CDK19: variants seen among roughly 807,000 people sequenced by gnomAD.
CDK19 encodes the protein cyclin-dependent kinase 19.
A neutral mutation model predicts 68.3 loss-of-function variants in CDK19; 20 were observed. That is an observed-to-expected ratio of 0.29 (90% CI 0.21 to 0.43). CDK19 has a LOEUF of 0.43. Ranked by LOEUF, CDK19 falls within the 20% of genes least tolerant of loss-of-function variation. The pLI, the probability that CDK19 is intolerant of heterozygous loss-of-function variation, is 1.00. For synonymous variants in CDK19, 221 were observed against 222.8 expected, an observed-to-expected ratio of 0.99 and a Z score of 0.07; for missense variants, 339 against 623.5, an observed-to-expected ratio of 0.54 and a Z score of 4.86.
At chr6:110,759,416 A>ATATATATATATATATATAT in intron 1 of CDK19, among the ~76,000 whole-genome samples, 1 of 113,562 alleles carries the variant, frequency 8.8e-6, no homozygotes, top group African/African-American at 4.0e-5. Context: ...AAAAAAAAAA[A>ATATATATATATATATATAT]AAAAAAAAAA....
intron 1 of CDK19, among the ~76,000 whole-genome samples, chr6:110,797,984 CAAAAAAAA>C (rs56710819): frequency 0.013 from 1,094 of 87,276 alleles, 25 homozygotes; most frequent in African/African-American, 0.045. Flanking sequence ...GACTCCGTCT[CAAAAAAAA>C]AAAAAAAAAA....
intron 12 of CDK19, 87 bp from the exon 13 acceptor site, chr6:110,614,753 C>T: frequency 7.3e-7 from 1 of 1,363,176 alleles, no homozygotes; most frequent in Admixed American, 1.8e-5. Flanking sequence ...GAGATATAAG[C>T]CGTTTTCATT....
intron 4 of CDK19, chr6:110,646,438 C>A: frequency 6.7e-7 from 1 of 1,500,992 alleles, no homozygotes; most frequent in Non-Finnish European, 8.9e-7. Context: ...GCCGCAGCTA[C>A]CCCATGCACC....
At chr6:110,783,328 T>C (rs2115039145) in intron 1 of CDK19, among the ~76,000 whole-genome samples, 2 of 152,078 alleles carry the variant, frequency 1.3e-5, no homozygotes, top group Non-Finnish European at 2.9e-5. Context: ...CACAACAAAG[T>C]TAAATTTGAA....
intron 1 of CDK19, among the ~76,000 whole-genome samples, chr6:110,776,207 T>C (rs1257624528): frequency 2.6e-5 from 4 of 152,034 alleles, no homozygotes; most frequent in Admixed American, 1.3e-4. Flanking sequence ...GGCAGGTGGA[T>C]CACCTGAGGT....
At chr6:110,707,997 G>A (rs1774652435) in intron 2 of CDK19, among the ~76,000 whole-genome samples, 1 of 151,970 alleles carries the variant, frequency 6.6e-6, no homozygotes, top group Non-Finnish European at 1.5e-5. Flanking sequence ...GTATGTTTAT[G>A]TTACTCTAAT....
intron 6 of CDK19, among the ~76,000 whole-genome samples, chr6:110,628,081 C>T (rs1779202571): frequency 6.6e-6 from 1 of 152,030 alleles, no homozygotes; most frequent in Non-Finnish European, 1.5e-5. Flanking sequence ...TGTGGTGGCA[C>T]ACGCCTGTAG....
At chr6:110,718,163 T>C (rs183567596) in intron 2 of CDK19, among the ~76,000 whole-genome samples, 5 of 152,214 alleles carry the variant, frequency 3.3e-5, no homozygotes, top group Admixed American at 3.3e-4. Flanking sequence ...CCAAAGTGTT[T>C]TGTTGGAGCA....
In CDK19 at chr6:110,801,868, C is replaced by T. The variant is rs117392708; in HGVS notation, c.128+13141G>A. On this transcript the variant is annotated intron_variant, in intron 1 of 12. Coordinates refer to ENST00000368911, the MANE Select transcript of CDK19 (RefSeq NM_015076.5). Reference sequence around the variant, plus strand: ...AAAGACAACCCTATTAAAAAGTGAGCGAAGGACATGAATGGACACTTCTCA... The same window carrying T: ...AAAGACAACCCTATTAAAAAGTGAGTGAAGGACATGAATGGACACTTCTCA... Among the ~76,000 whole-genome samples, 3,368 of 151,990 alleles carry T rather than the reference C, an allele frequency of 0.022. 365 individuals carry two copies. The East Asian group carries it at 0.35, about 16-fold the overall frequency.
At chr6:110,749,533 T>C (rs940594497) in intron 1 of CDK19, among the ~76,000 whole-genome samples, 4 of 152,096 alleles carry the variant, frequency 2.6e-5, no homozygotes, top group African/African-American at 7.2e-5. Context: ...GTAATTTTTG[T>C]ATTTTTTGTA....
At chr6:110,783,926 G>A (rs1002312051) in intron 1 of CDK19, among the ~76,000 whole-genome samples, 7 of 151,692 alleles carry the variant, frequency 4.6e-5, no homozygotes, top group African/African-American at 1.2e-4. Flanking sequence ...TTGGGAGGCC[G>A]AAGCAGGTGG....
At chr6:110,787,743 G>C (rs957101882) in intron 1 of CDK19, among the ~76,000 whole-genome samples, 1 of 152,150 alleles carries the variant, frequency 6.6e-6, no homozygotes, top group African/African-American at 2.4e-5. Flanking sequence ...ACACCTGGCA[G>C]GTTTTGAGCT....
At chr6:110,762,717 G>T (rs1779310994) in intron 1 of CDK19, among the ~76,000 whole-genome samples, 1 of 152,162 alleles carries the variant, frequency 6.6e-6, no homozygotes, top group Admixed American at 6.5e-5. Flanking sequence ...AGGGACTATG[G>T]AAGAAGTTCA....
At position 110,611,258 on chromosome 6, in the gene CDK19, G is replaced by C. The variant is rs1157146806; in HGVS notation, c.*3277C>G. Reference sequence around the variant, plus strand: ...CTGAAACTGGTTTGTAACACGAAGAGCAGAAAGCCTTCACTTGGATTCATT... The same window carrying C: ...CTGAAACTGGTTTGTAACACGAAGACCAGAAAGCCTTCACTTGGATTCATT... On this transcript the variant is annotated 3_prime_UTR_variant, in exon 13 of 13. Transcript: ENST00000368911. 1 of 152,296 alleles carries C rather than the reference G, an allele frequency of 6.6e-6. No individual in the cohort carries two copies. Among genetic ancestry groups the C allele is most frequent in the East Asian group, 1.9e-4 (1 of 5,200 alleles). 9.4% of individuals were successfully genotyped at this position (152,296 alleles called of 1,614,324 possible).
rs557610424 is a variant in CDK19 at position 110,756,683 on chromosome 6, G to C, written c.129-10482C>G. 6.6e-5 allele frequency among the ~76,000 whole-genome samples: 10 copies of C among 151,388 alleles called. No homozygotes were observed. The South Asian group carries it at 2.1e-3, about 32-fold the overall frequency. ...TGTATATATGTATGTGTATATTTACGTGTGTGTGTGTGTATGTGTATATAT... is the reference window on the plus strand; with the variant it reads ...TGTATATATGTATGTGTATATTTACCTGTGTGTGTGTGTATGTGTATATAT... On this transcript the variant is annotated intron_variant, in intron 1 of 12. Transcript: ENST00000368911.
intron 1 of CDK19, among the ~76,000 whole-genome samples, chr6:110,772,531 T>C (rs1282793729): frequency 6.6e-6 from 1 of 152,140 alleles, no homozygotes; most frequent in Admixed American, 6.6e-5. Flanking sequence ...CAGAAGCCCC[T>C]AAGAAAACCA....
intron 5 of CDK19, among the ~76,000 whole-genome samples, chr6:110,637,778 G>A (rs745397142): frequency 9.2e-5 from 14 of 152,276 alleles, no homozygotes; most frequent in Non-Finnish European, 8.8e-5. Flanking sequence ...TCAGGAGTTC[G>A]AGACCAGCCT....
At chr6:110,630,160 T>C (rs1779352826) in intron 6 of CDK19, among the ~76,000 whole-genome samples, 1 of 152,092 alleles carries the variant, frequency 6.6e-6, no homozygotes, top group South Asian at 2.1e-4. Flanking sequence ...TCTCTGAGAG[T>C]GGGACAGACA....
At chr6:110,788,470 T>C (rs1349910891) in intron 1 of CDK19, among the ~76,000 whole-genome samples, 1 of 152,108 alleles carries the variant, frequency 6.6e-6, no homozygotes, top group Non-Finnish European at 1.5e-5. Flanking sequence ...TCCTGACAAT[T>C]TTAAAGCCAT....
Sources: allele counts gnomAD v4.1 joint callset (sites outside exome capture counted in the v4.1 genomes callset), GRCh38; gene constraint gnomAD v4.1.1; transcripts MANE v1.5; gene names NCBI Gene and HGNC (gene_info 2026-07-23, HGNC 2026-07-21).